Variants in PDSS1 observed in about 807,000 individuals in gnomAD.
PDSS1 encodes the protein decaprenyl diphosphate synthase subunit 1.
In PDSS1, 43 loss-of-function variants were observed where a neutral mutation model predicts 57.5. The ratio of observed to expected loss-of-function variants is 0.75; its 90% CI spans 0.59 to 0.96. The LOEUF is 0.96. Among genes scored for constraint, PDSS1 ranks in the 50% least tolerant of loss-of-function variants. The probability of loss-of-function intolerance (pLI) is 0.00; values close to 1 mark genes in which losing one functional copy is unlikely to be tolerated. For synonymous variants in PDSS1, 175 were observed against 191.3 expected (o/e 0.91, Z 0.70); for missense variants, 438 against 527.8 (o/e 0.83, Z 1.67).
intron 6 of PDSS1, among the ~76,000 whole-genome samples, chr10:26,721,969 A>C (rs553971607): frequency 2.0e-5 from 3 of 152,112 alleles, no homozygotes; most frequent in African/African-American, 4.8e-5. Flanking sequence ...AAAACCCCCC[A>C]CACACAGTGC....
intron 6 of PDSS1, among the ~76,000 whole-genome samples, chr10:26,723,211 A>G (rs565687357): frequency 3.9e-5 from 6 of 152,258 alleles, no homozygotes; most frequent in East Asian, 1.9e-4. Context: ...ATCGGGGGGA[A>G]CTTCTTAGAG....
intron 8 of PDSS1, among the ~76,000 whole-genome samples, chr10:26,732,013 C>A (rs917433800): frequency 6.6e-6 from 1 of 152,248 alleles, no homozygotes; most frequent in African/African-American, 2.4e-5. Context: ...TGTGAACCTT[C>A]CCCAGAAAGA....
chr10:26,704,083 C>CAAAAAAAAAAAAA (rs1203931422), intron 2 of PDSS1, among the ~76,000 whole-genome samples: 3,606 of 30,656 alleles, frequency 0.12, 791 homozygotes, highest in Middle Eastern at 0.17. Context: ...CTCCGTCTCA[C>CAAAAAAAAAAAAA]AAAAAAAAAA....
intron 11 of PDSS1, among the ~76,000 whole-genome samples, chr10:26,744,526 G>C (rs938203453): frequency 6.6e-6 from 1 of 152,122 alleles, no homozygotes; most frequent in Non-Finnish European, 1.5e-5. Context: ...GAGTAGCTGG[G>C]ACTACAGGCA....
At chr10:26,716,969 G>A (rs1335568235) in intron 5 of PDSS1, among the ~76,000 whole-genome samples, 1 of 152,192 alleles carries the variant, frequency 6.6e-6, no homozygotes, top group Non-Finnish European at 1.5e-5. Context: ...TAAGGACAGT[G>A]TGAGGTTTTT....
intron 8 of PDSS1, among the ~76,000 whole-genome samples, chr10:26,725,548 A>G (rs1352948908): frequency 1.3e-5 from 2 of 152,108 alleles, no homozygotes; most frequent in African/African-American, 2.4e-5. Context: ...GGAAGAAAGT[A>G]TAGACACGAG....
intron 4 of PDSS1, 143 bp from the exon 5 acceptor site, chr10:26,709,494 GA>G (rs1201711645): frequency 1.8e-5 from 14 of 787,660 alleles, no homozygotes; most frequent in Non-Finnish European, 2.8e-5. Flanking sequence ...CCGGGAGGCG[GA>G]GGTTACAATG....
intron 8 of PDSS1, among the ~76,000 whole-genome samples, chr10:26,734,054 C>G (rs1287336924): frequency 6.6e-6 from 1 of 152,234 alleles, no homozygotes; most frequent in Non-Finnish European, 1.5e-5. Flanking sequence ...AATGCAGCAT[C>G]ATGTCTGTTT....
chr10:26,744,010 G>A (rs554929336), intron 11 of PDSS1, among the ~76,000 whole-genome samples: 3 of 152,236 alleles, frequency 2.0e-5, no homozygotes, highest in African/African-American at 7.2e-5. Flanking sequence ...CTAAGAAACT[G>A]AAAATGACTG....
intron 8 of PDSS1, among the ~76,000 whole-genome samples, chr10:26,733,248 G>T (rs925339078): frequency 6.6e-6 from 1 of 152,042 alleles, no homozygotes; most frequent in Non-Finnish European, 1.5e-5. Context: ...GTATCATTCT[G>T]TCCTGAGCCC....
intron 8 of PDSS1, among the ~76,000 whole-genome samples, chr10:26,725,694 CTTAATA>C (rs10601028): frequency 0.02 from 3,016 of 152,194 alleles, 96 homozygotes; most frequent in African/African-American, 0.069. Flanking sequence ...ATTAGGGTGC[CTTAATA>C]TTACTTACTA....
intron 10 of PDSS1, among the ~76,000 whole-genome samples, chr10:26,737,311 A>G (rs142136591): frequency 1.3e-5 from 2 of 152,328 alleles, no homozygotes; most frequent in African/African-American, 4.8e-5. Context: ...CACTCTGAAT[A>G]TATTTCAGAA....
At chr10:26,724,463 T>G (rs1835889635) in intron 8 of PDSS1, among the ~76,000 whole-genome samples, 1 of 152,240 alleles carries the variant, frequency 6.6e-6, no homozygotes, top group African/African-American at 2.4e-5. Flanking sequence ...ACACACTCTT[T>G]CTGACACTTC....
At position 26,709,726 on chromosome 10, in the gene PDSS1, C is replaced by T. The variant is rs745848548; in HGVS notation, c.425C>T (p.Ala142Val). The change falls in exon 5 of 12, where the codon GCG becomes GTG. Residue 142 changes from alanine to valine, a missense_variant. Coordinates refer to ENST00000376215, the MANE Select transcript of PDSS1 (RefSeq NM_014317.5). ...AAAGCCTTTCGACCAATTATTGTGGCGCTAATGGCCCGAGCATGCAATATT... is the reference window on the plus strand; with the variant it reads ...AAAGCCTTTCGACCAATTATTGTGGTGCTAATGGCCCGAGCATGCAATATT... Reference protein sequence around the residue: ...KGKAFRPIIVALMARACNIHH... With the variant: ...KGKAFRPIIVVLMARACNIHH... 46 of 1,613,644 alleles carry T rather than the reference C, an allele frequency of 2.9e-5. No homozygotes were observed. The highest frequency in any genetic ancestry group is 3.6e-5 in the Non-Finnish European group (42 of 1,179,684).
chr10:26,722,280 A>G (rs964232081), intron 6 of PDSS1, among the ~76,000 whole-genome samples: 1 of 152,260 alleles, frequency 6.6e-6, no homozygotes, highest in Non-Finnish European at 1.5e-5. Context: ...TATATTATAT[A>G]AAGTGGTGAT....
At position 26,704,696 on chromosome 10, in the gene PDSS1, T is replaced by C; in HGVS notation, c.182T>C (p.Val61Ala). 7.0e-7 allele frequency: 1 copy of C among 1,430,340 alleles called. No homozygotes were observed. The highest frequency in any genetic ancestry group is 9.9e-7 in the Non-Finnish European group (1 of 1,012,874). 88.6% of individuals were successfully genotyped at this position (1,430,340 alleles called of 1,614,324 possible). ...DLSQIPYINL[V>A]KHLTSACPNV... is the part of the protein sequence containing the mutation. ...TTATAGATACCCTATATTAATCTTG[T>C]GAAGCATTTAACATCTGCCTGTCCA... Residue 61 changes from valine (V) to alanine (A), a missense_variant, in exon 3 of 12, where the codon GTG (valine) becomes GCG (alanine). This residue lies in a region of PDSS1 where 154 missense variants were observed against 137.0 expected (regional missense o/e 1.12). Transcript: ENST00000376215.
At chr10:26,724,782 T>C (rs1835900141) in intron 8 of PDSS1, among the ~76,000 whole-genome samples, 1 of 152,154 alleles carries the variant, frequency 6.6e-6, no homozygotes, top group Non-Finnish European at 1.5e-5. Flanking sequence ...TTTGCCATGT[T>C]GGCCGGGCTG....
chr10:26,727,538 C>T (rs926341627), intron 8 of PDSS1, among the ~76,000 whole-genome samples: 3 of 150,684 alleles, frequency 2.0e-5, no homozygotes, highest in African/African-American at 7.3e-5. Flanking sequence ...CTCTGTTGCC[C>T]AGGCTGGAGC....
In PDSS1 at chr10:26,742,472, CAGATTT is replaced by C. The variant is rs1395671522; in HGVS notation, c.1027-24_1027-19del. The C allele has an allele frequency of 3.2e-6, 5 of 1,539,182 alleles. No individual in the cohort carries two copies. The African/African-American group carries it at 6.8e-5, about 21-fold the overall frequency. On this transcript the variant is annotated intron_variant, in intron 10 of 11. Transcript: ENST00000376215. ...CCCAAGAGAAATAAATAGATTTTCTCAGATTTTCTCTCTTTTTTTGTTAGTTCCCAG... is the reference window on the plus strand; with the variant it reads ...CCCAAGAGAAATAAATAGATTTTCTCTCTCTCTTTTTTTGTTAGTTCCCAG...
Sources: gnomAD v4.1 joint callset for allele counts (sites outside exome capture counted in the v4.1 genomes callset) on GRCh38, gnomAD v4.1.1 for gene constraint, gnomAD v4.1.1 regional missense constraint, MANE v1.5 for transcripts, NCBI Gene and HGNC (gene_info 2026-07-23, HGNC 2026-07-21) for gene names.